Variants in JPT2 observed in about 807,000 individuals in gnomAD.
JPT2 encodes CRAMP_1 like.
In JPT2, 9 loss-of-function variants were observed where a neutral mutation model predicts 15.9. That is an observed-to-expected ratio of 0.57 (90% CI 0.34 to 0.99). The LOEUF (loss-of-function observed/expected upper bound fraction) is 0.99. JPT2 is among the 50% of genes least tolerant of loss of function. The pLI, the probability that JPT2 is intolerant of heterozygous loss-of-function variation, is 0.02. For missense variants in JPT2, 267 were observed against 252.1 expected, an observed-to-expected ratio of 1.06 and a Z score of -0.40; for synonymous variants, 95 against 91.7, an observed-to-expected ratio of 1.04 and a Z score of -0.21.
At position 1,698,796 on chromosome 16, in the gene JPT2, C is replaced by T. The variant is rs2037160564; in HGVS notation, c.386-15C>T. 1.9e-6 allele frequency: 3 copies of T among 1,603,488 alleles called. No homozygotes were observed. Among genetic ancestry groups the T allele is most frequent in the East Asian group, 4.5e-5 (2 of 44,804 alleles). On this transcript the variant is annotated splice_polypyrimidine_tract_variant and intron_variant, in intron 4 of 4. Coordinates refer to ENST00000248098, the MANE Select transcript of JPT2 (RefSeq NM_144570.3). The surrounding 1 kb of genome is among the most constrained non-coding windows in gnomAD (Gnocchi z 4.9). ...TGCCTCTAATGGGATGTTGTTCTAA[C>T]TTTGTGTCCCACAGCTGCAAGGAGC... is the stretch of plus-strand genomic sequence containing the variant.
Position 1,687,374 on chromosome 16 carries a change from A to C in JPT2, c.193+1787A>C, listed in dbSNP as rs148323081. Reference sequence around the variant, plus strand: ...AATGAGTGTTTCTTATTAAGTGACTAACATTCTCGTTGTTTCCGGTTTATG... The same window carrying C: ...AATGAGTGTTTCTTATTAAGTGACTCACATTCTCGTTGTTTCCGGTTTATG... On this transcript the variant is annotated intron_variant, in intron 2 of 4. Transcript: ENST00000248098. Among the ~76,000 whole-genome samples, 93 of 152,278 alleles carry C rather than the reference A, an allele frequency of 6.1e-4. 1 individual carries two copies. Among genetic ancestry groups the C allele is most frequent in the African/African-American group, 2.1e-3 (87 of 41,552 alleles).
At chr16:1,692,612 C>G (rs1399869952) in intron 3 of JPT2, 3 of 154,016 alleles carry the variant, frequency 1.9e-5, no homozygotes, top group African/African-American at 7.2e-5. Flanking sequence ...TAAGGCCAGT[C>G]TCGGCTTTCG....
At chr16:1,694,342 T>C (rs1483042092) in intron 3 of JPT2, among the ~76,000 whole-genome samples, 2 of 152,168 alleles carry the variant, frequency 1.3e-5, no homozygotes, top group African/African-American at 2.4e-5. Flanking sequence ...CACATATTAA[T>C]TAACACCACA....
chr16:1,697,408 G>T (rs2037150263), intron 3 of JPT2, among the ~76,000 whole-genome samples: 1 of 152,038 alleles, frequency 6.6e-6, no homozygotes, highest in Non-Finnish European at 1.5e-5. Flanking sequence ...CACTACTCGG[G>T]AGGCTGAGAT....
At chr16:1,680,441 G>A in intron 1 of JPT2, 1 of 1,226,890 alleles carries the variant, frequency 8.2e-7, no homozygotes, top group South Asian at 1.4e-5. Context: ...GAGAAAGGGA[G>A]AAAACTCTTC....
intron 3 of JPT2, 92 bp from the exon 4 acceptor site, chr16:1,697,720 A>T: frequency 8.2e-7 from 1 of 1,215,224 alleles, no homozygotes; most frequent in Non-Finnish European, 1.2e-6. Flanking sequence ...TTTGTAAATT[A>T]AAAGGTTATA....
intron 1 of JPT2, 46 bp from the exon 2 acceptor site, chr16:1,685,393 C>T (rs201099964): frequency 3.7e-6 from 6 of 1,601,964 alleles, no homozygotes; most frequent in African/African-American, 1.3e-5. Context: ...CAGTGACAAG[C>T]TTTCAGGTCT....
intron 2 of JPT2, chr16:1,690,303 T>C (rs1210824946): frequency 6.6e-6 from 1 of 152,202 alleles, no homozygotes; most frequent in Non-Finnish European, 1.5e-5. Context: ...TTGTTAACAC[T>C]AGGAATTAAC....
At chr16:1,695,203 C>T (rs780473407) in intron 3 of JPT2, among the ~76,000 whole-genome samples, 7 of 151,728 alleles carry the variant, frequency 4.6e-5, no homozygotes, top group East Asian at 3.9e-4. Flanking sequence ...GCCGGGAGTT[C>T]GAGACCAGCC....
chr16:1,689,192 G>A (rs1207111327), intron 2 of JPT2: 1 of 151,538 alleles, frequency 6.6e-6, no homozygotes, highest in Non-Finnish European at 1.5e-5. Flanking sequence ...TTCAAATTGA[G>A]TTACTTTTAT....
At chr16:1,687,383 G>A (rs140836138) in intron 2 of JPT2, among the ~76,000 whole-genome samples, 210 of 152,254 alleles carry the variant, frequency 1.4e-3, no homozygotes, top group African/African-American at 4.8e-3. Context: ...TAACATTCTC[G>A]TTGTTTCCGG....
chr16:1,685,541 A>G lies in JPT2; in HGVS notation c.147A>G (p.Gly49=), dbSNP rs1168665954. 1.2e-6 allele frequency: 2 copies of G among 1,614,170 alleles called. No homozygotes were observed. Among genetic ancestry groups the G allele is most frequent in the Non-Finnish European group, 1.7e-6 (2 of 1,180,036 alleles). The change falls in exon 2 of 5, where the codon GGA becomes GGG. Residue 49 remains glycine, a synonymous_variant. Coordinates refer to ENST00000248098, the MANE Select transcript of JPT2 (RefSeq NM_144570.3). ...RPNRMASNIF[G]PTEEPQNIPK... ...ATAGGATGGCATCTAATATTTTTGG[A>G]CCAACAGAAGAACCTCAGAACATAC...
intron 1 of JPT2, among the ~76,000 whole-genome samples, chr16:1,678,559 C>T (rs1051948941): frequency 1.3e-5 from 2 of 152,060 alleles, no homozygotes; most frequent in African/African-American, 2.4e-5. Context: ...CTCGCTGAGG[C>T]CCGGGCTGTG....
At chr16:1,693,379 G>A (rs1007511909) in intron 3 of JPT2, among the ~76,000 whole-genome samples, 10 of 152,186 alleles carry the variant, frequency 6.6e-5, no homozygotes, top group African/African-American at 2.4e-4. Flanking sequence ...TTACAAATGT[G>A]AGCCACTGTG....
chr16:1,700,541 CT>C lies in JPT2; in HGVS notation c.*1544del. The C allele has an allele frequency of 1.2e-4, 23 of 186,404 alleles. No individual in the cohort carries two copies. The highest frequency in any genetic ancestry group is 3.4e-4 in the East Asian group (3 of 8,778). 11.5% of individuals were successfully genotyped at this position (186,404 alleles called of 1,614,324 possible). On this transcript the variant is annotated 3_prime_UTR_variant, in exon 5 of 5. Transcript: ENST00000248098. ...CTGCTTAAGTGCCTGCAGGAGCCGC[CT>C]GCCAAGCTCCCCTTCCTACACCTGG...
chr16:1,696,119 C>G (rs980196775), intron 3 of JPT2, among the ~76,000 whole-genome samples: 2 of 152,024 alleles, frequency 1.3e-5, no homozygotes, highest in Non-Finnish European at 2.9e-5. Flanking sequence ...ATCCCAGGTA[C>G]TCGGAAGACT....
chr16:1,698,214 G>C lies in JPT2; in HGVS notation c.385+354G>C, dbSNP rs553723530. On this transcript the variant is annotated intron_variant, in intron 4 of 4. Transcript: ENST00000248098. This position sits in a 1 kb window ranked among gnomAD's most constrained non-coding sequence, Gnocchi z 4.9. ...AGAGGGGCACAAGAGAGGGATGGAG[G>C]ATGGGGAGGCGGGTGTCTCCATGGT... 6.6e-6 allele frequency among the ~76,000 whole-genome samples: 1 copy of C among 152,356 alleles called. No individual in the cohort carries two copies. Among genetic ancestry groups the C allele is most frequent in the South Asian group, 2.1e-4 (1 of 4,834 alleles).
chr16:1,694,005 T>C (rs1047300297), intron 3 of JPT2, among the ~76,000 whole-genome samples: 2 of 152,168 alleles, frequency 1.3e-5, no homozygotes, highest in Non-Finnish European at 2.9e-5. Context: ...GAGGACCGGC[T>C]CGTCACTGCG....
intron 4 of JPT2, 114 bp downstream of exon 4, chr16:1,697,974 T>G: frequency 3.3e-6 from 3 of 911,738 alleles, no homozygotes; most frequent in East Asian, 2.4e-5. Context: ...CTGGGCCACC[T>G]GATTAAAACG....
Sources: gnomAD v4.1 joint callset for allele counts (sites outside exome capture counted in the v4.1 genomes callset) on GRCh38, gnomAD v4.1.1 for gene constraint, Gnocchi (gnomAD v3.1) non-coding constraint, MANE v1.5 for transcripts, NCBI Gene and HGNC (gene_info 2026-07-23, HGNC 2026-07-21) for gene names.